The following WDR81 variants were observed in gnomAD, a reference collection of about 807,000 sequenced individuals.
WDR81 encodes WD repeat domain 81, also known as WD repeat-containing protein 81.
A neutral mutation model predicts 140.8 loss-of-function variants in WDR81; 92 were observed. That is an observed-to-expected ratio of 0.65 (90% CI 0.55 to 0.78). WDR81 has a LOEUF of 0.78. Among genes scored for constraint, WDR81 ranks in the 30% least tolerant of loss-of-function variants. The pLI is 0.00. For synonymous variants in WDR81, 1,183 were observed against 1,156.4 expected (o/e 1.02, Z -0.47); for missense variants, 2,502 against 2,636.4 (o/e 0.95, Z 1.12).
Position 1,735,958 on chromosome 17 carries a change from G to A in WDR81, c.5326-81G>A. 2.0e-6 allele frequency: 3 copies of A among 1,513,542 alleles called. No homozygotes were observed. The highest frequency in any genetic ancestry group is 2.6e-6 in the Non-Finnish European group (3 of 1,134,544). 93.8% of individuals were successfully genotyped at this position (1,513,542 alleles called of 1,614,324 possible). A position where few individuals can be genotyped will look rare whatever the true frequency, so the allele number is the denominator to read the frequency against. On this transcript the variant is annotated intron_variant, in intron 8 of 9. Coordinates refer to ENST00000409644, the MANE Select transcript of WDR81 (RefSeq NM_001163809.2). This position sits in a 1 kb window ranked among gnomAD's most constrained non-coding sequence, Gnocchi z 4.2. ...TCAGAGGCTCAGGCCTTCCTGCTGT[G>A]TGGGCTTGGGTGGTGGGCAGGGCCT...
Position 1,733,985 on chromosome 17 carries a change from G to A in WDR81, c.4948G>A (p.Ala1650Thr). 2 of 1,612,840 alleles carry A rather than the reference G, an allele frequency of 1.2e-6. No homozygotes were observed. The highest frequency in any genetic ancestry group is 1.6e-4 in the Middle Eastern group (1 of 6,062). The change falls in exon 7 of 10, where the codon GCC (alanine) becomes ACC (threonine). Residue 1650 changes from alanine to threonine, a missense_variant. Physicochemically the swap from Ala to Thr is moderately conservative, Grantham distance 58 (BLOSUM62 0). Coordinates refer to ENST00000409644, the MANE Select transcript of WDR81 (RefSeq NM_001163809.2). ...RLQSFPGHSG[A>T]VKCVAPLSSE... ...GCAGAGCTTCCCGGGCCACTCGGGG[G>A]CCGTCAAGTGCGTGGCACCCCTAAG... is the stretch of plus-strand genomic sequence containing the variant.
In WDR81 at chr17:1,733,518, C is replaced by T. The variant is rs1476187713; in HGVS notation, c.4490-9C>T. Reference sequence around the variant, plus strand: ...TCCCTGTCTCAGGACCTCTCCCACTCCTATCCAGGTGACATCATCCGGAAA... The same window carrying T: ...TCCCTGTCTCAGGACCTCTCCCACTTCTATCCAGGTGACATCATCCGGAAA... On this transcript the variant is annotated splice_polypyrimidine_tract_variant and intron_variant, in intron 6 of 9. Coordinates refer to ENST00000409644, the MANE Select transcript of WDR81 (RefSeq NM_001163809.2). 1.3e-6 allele frequency: 2 copies of T among 1,514,334 alleles called. No homozygotes were observed. The highest frequency in any genetic ancestry group is 1.8e-6 in the Non-Finnish European group (2 of 1,132,540). The allele number at this position is 1,514,334 out of a possible 1,614,324, so 93.8% of individuals were successfully genotyped here.
At chr17:1,732,869 G>A in intron 6 of WDR81, 38 bp downstream of exon 6, 1 of 1,560,646 alleles carries the variant, frequency 6.4e-7, no homozygotes, top group Non-Finnish European at 8.7e-7. Flanking sequence ...AGTCTTCGTG[G>A]CTGTCTCCTC....
In WDR81 at chr17:1,727,177, T is replaced by A. The variant is rs755366659; in HGVS notation, c.2218T>A (p.Phe740Ile). Residue 740 changes from phenylalanine (F) to isoleucine (I), a missense_variant, in exon 1 of 10, where the codon TTC (phenylalanine) becomes ATC (isoleucine). Physicochemically the swap from Phe to Ile is conservative, Grantham distance 21. Transcript: ENST00000409644. ...GGAGGAGCTGGAGAAAACGGGCAAC[T>A]TCTTGGCCAAAGGCCTAGGGGGCCT... ...ALEELEKTGN[F>I]LAKGLGGLLE... The A allele has an allele frequency of 3.9e-6, 6 of 1,548,258 alleles. No homozygotes were observed. The African/African-American group carries it at 8.2e-5, about 21-fold the overall frequency.
rs932373759 is a variant in WDR81 at position 1,725,320 on chromosome 17, G to A, written c.361G>A (p.Gly121Arg). 5.8e-6 allele frequency: 9 copies of A among 1,548,486 alleles called. No homozygotes were observed. The highest frequency in any genetic ancestry group is 2.4e-5 in the East Asian group (1 of 40,934). ...GCGGAGACTGTCCTACCCTCTGGGC[G>A]GGGGCCTGCCCTTTGAGGACGGGTC... is the stretch of plus-strand genomic sequence containing the variant. ...RKRRLSYPLG[G>R]GLPFEDGSCG... Residue 121 changes from glycine (G) to arginine (R), a missense_variant, in exon 1 of 10, where the codon GGG (glycine) becomes AGG (arginine). Gly to Arg is a moderately radical substitution (Grantham distance 125). Coordinates refer to ENST00000409644, the MANE Select transcript of WDR81 (RefSeq NM_001163809.2).
chr17:1,726,611 A>G lies in WDR81; in HGVS notation c.1652A>G (p.Tyr551Cys), dbSNP rs1426104998. The G allele has an allele frequency of 1.9e-6, 3 of 1,550,276 alleles. No homozygotes were observed. Among genetic ancestry groups the G allele is most frequent in the African/African-American group, 1.4e-5 (1 of 73,134 alleles). The change falls in exon 1 of 10, where the codon TAT becomes TGT. Residue 551 changes from tyrosine (Y) to cysteine (C), a missense_variant. Tyr to Cys is a radical substitution (Grantham distance 194). Around this residue, in one of 3 missense-constraint regions of WDR81, gnomAD observed 218 missense variants for 279.6 expected, o/e 0.78. Transcript: ENST00000409644. ...CATTGGATCGACCTCACGTTTGGCTATAAACTCCAGGGTAAGGAGGCTGTC... is the reference window on the plus strand; with the variant it reads ...CATTGGATCGACCTCACGTTTGGCTGTAAACTCCAGGGTAAGGAGGCTGTC... ...LHHWIDLTFGYKLQGKEAVKE... is the reference protein window; with the variant it reads ...LHHWIDLTFGCKLQGKEAVKE...
intron 1 of WDR81, among the ~76,000 whole-genome samples, chr17:1,717,325 C>T (rs912174020): frequency 9.2e-5 from 14 of 152,164 alleles, no homozygotes; most frequent in African/African-American, 3.4e-4. Flanking sequence ...AGGGGCAAGC[C>T]GGAGACCTGC....
At chr17:1,719,195 C>T (rs140263126) in intron 1 of WDR81, among the ~76,000 whole-genome samples, 2 of 152,170 alleles carry the variant, frequency 1.3e-5, no homozygotes, top group South Asian at 2.1e-4. Flanking sequence ...CTACAACATA[C>T]GGTGAATAAG....
chr17:1,717,478 A>G (rs1914638389), intron 1 of WDR81, among the ~76,000 whole-genome samples: 1 of 152,188 alleles, frequency 6.6e-6, no homozygotes, highest in African/African-American at 2.4e-5. Context: ...CTTCTGTTAA[A>G]TACGCACTCC....
Position 1,726,366 on chromosome 17 carries a change from G to A in WDR81, c.1407G>A (p.Ala469=), listed in dbSNP as rs931943166. ...PRSVLCGHVR[A]QWEPHEYPAS... is the part of the protein sequence containing the mutation. ...CGGTGCTCTGCGGACACGTCCGCGC[G>A]CAGTGGGAGCCCCATGAGTATCCGG... The change falls in exon 1 of 10, where the codon GCG becomes GCA. Residue 469 remains alanine (A), a synonymous_variant. Coordinates refer to ENST00000409644, the MANE Select transcript of WDR81 (RefSeq NM_001163809.2). The A allele has an allele frequency of 1.5e-5, 24 of 1,549,174 alleles. No individual in the cohort carries two copies. The highest frequency in any genetic ancestry group is 1.2e-4 in the Admixed American group (6 of 50,918).
chr17:1,725,651 T>C lies in WDR81; in HGVS notation c.692T>C (p.Leu231Pro). 1 of 1,546,512 alleles carries C rather than the reference T, an allele frequency of 6.5e-7. No individual in the cohort carries two copies. Among genetic ancestry groups the C allele is most frequent in the Non-Finnish European group, 8.7e-7 (1 of 1,146,972 alleles). ...GCCTTGCTGGAGTCGCCGGAGATGC[T>C]GTATGTGGTACACCCTTACGTACAG... ...AEALLESPEM[L>P]YVVHPYVQFS... The change falls in exon 1 of 10, where the codon CTG becomes CCG. Residue 231 changes from leucine (L) to proline (P), a missense_variant. By Grantham distance (98) the Leu-to-Pro change is moderately conservative (BLOSUM62 -3). Around this residue, in one of 3 missense-constraint regions of WDR81, gnomAD observed 547 missense variants for 513.8 expected, o/e 1.06. Coordinates refer to ENST00000409644, the MANE Select transcript of WDR81 (RefSeq NM_001163809.2).
chr17:1,719,060 G>A (rs938984789), intron 1 of WDR81, among the ~76,000 whole-genome samples: 5 of 151,978 alleles, frequency 3.3e-5, no homozygotes, highest in African/African-American at 1.2e-4. Flanking sequence ...AGTATCTCCA[G>A]ACGTTACCAA....
upstream of WDR81, chr17:1,716,533 C>T (rs1400629419): frequency 4.5e-6 from 7 of 1,548,968 alleles, no homozygotes; most frequent in Non-Finnish European, 6.1e-6. Context: ...AAACGAGAGT[C>T]CTAAAGAGCA....
upstream of WDR81, among the ~76,000 whole-genome samples, chr17:1,721,459 G>T (rs1914859639): frequency 6.6e-6 from 1 of 151,910 alleles, no homozygotes; most frequent in Admixed American, 6.6e-5. Context: ...GGTCGAGGCT[G>T]CAGTCAGCTG....
rs1372814228 is a variant in WDR81 at position 1,732,356 on chromosome 17, C to G, written c.4189C>G (p.Leu1397Val). ...FPSGAQARTI[L>V]CVKTISLIAL... ...AAGTGGGGCCCAGGCTCGGACCATC[C>G]TGTGTGTGAAAACCATCAGCCTCAT... Residue 1397 changes from leucine to valine, a missense_variant, in exon 5 of 10, where the codon CTG becomes GTG. Physicochemically the swap from Leu to Val is conservative, Grantham distance 32. Around this residue, in one of 3 missense-constraint regions of WDR81, gnomAD observed 1,737 missense variants for 1,843.0 expected, o/e 0.94. Transcript: ENST00000409644. The G allele has an allele frequency of 1.9e-6, 3 of 1,613,474 alleles. No individual in the cohort carries two copies. The highest frequency in any genetic ancestry group is 2.5e-6 in the Non-Finnish European group (3 of 1,180,012).
chr17:1,728,495 C>T lies in WDR81; in HGVS notation c.3536C>T (p.Ser1179Phe), dbSNP rs566030358. ...EGEQEEVTGA[S>F]ELTLSDTVLS... ...GAGCAGGAGGAGGTCACCGGGGCAT[C>T]TGAGCTCACTCTGTCTGACACGGTG... Residue 1179 changes from serine (S) to phenylalanine (F), a missense_variant, in exon 1 of 10, where the codon TCT becomes TTT. Physicochemically the swap from Ser to Phe is radical, Grantham distance 155 (BLOSUM62 -2). This residue lies in a region of WDR81 where 1,737 missense variants were observed against 1,843.0 expected (regional missense o/e 0.94). Coordinates refer to ENST00000409644, the MANE Select transcript of WDR81 (RefSeq NM_001163809.2). The T allele has an allele frequency of 6.3e-7, 1 of 1,596,322 alleles. No homozygotes were observed. The highest frequency in any genetic ancestry group is 1.3e-5 in the African/African-American group (1 of 74,758).
At position 1,735,121 on chromosome 17, in the gene WDR81, C is replaced by A. The variant is rs1482699469; in HGVS notation, c.5180-451C>A. 6.6e-6 allele frequency among the ~76,000 whole-genome samples: 1 copy of A among 151,726 alleles called. No homozygotes were observed. The highest frequency in any genetic ancestry group is 1.5e-5 in the Non-Finnish European group (1 of 67,882). ...ACCAGACTGGCTGACATGGTGAAAC[C>A]CCATCTCTACTAAGAATACAAAAAA... On this transcript the variant is annotated intron_variant, in intron 7 of 9. Transcript: ENST00000409644. The surrounding 1 kb of genome is among the most constrained non-coding windows in gnomAD (Gnocchi z 4.2).
Position 1,733,892 on chromosome 17 carries a change from G to T in WDR81, c.4855G>T (p.Ala1619Ser), listed in dbSNP as rs753881878. ...GCACGGGCTGAGCGGAAACTGGCTGGCGTACTGGCAGTACGAGATCGGCGT... is the reference window on the plus strand; with the variant it reads ...GCACGGGCTGAGCGGAAACTGGCTGTCGTACTGGCAGTACGAGATCGGCGT... ...SVHGLSGNWL[A>S]YWQYEIGVSQ... The change falls in exon 7 of 10, where the codon GCG becomes TCG. Residue 1619 changes from alanine to serine, a missense_variant. Around this residue, in one of 3 missense-constraint regions of WDR81, gnomAD observed 1,737 missense variants for 1,843.0 expected, o/e 0.94. Transcript: ENST00000409644. 1.2e-6 allele frequency: 2 copies of T among 1,612,656 alleles called. No homozygotes were observed. The highest frequency in any genetic ancestry group is 1.7e-6 in the Non-Finnish European group (2 of 1,179,960).
Position 1,735,451 on chromosome 17 carries a change from C to A in WDR81, c.5180-121C>A. ...CTCAAAAAAAGAGAAACATCTTTAG[C>A]ATTTTCTAAGGATCCCTGGGGGACG... On this transcript the variant is annotated intron_variant, in intron 7 of 9. Transcript: ENST00000409644. The surrounding 1 kb of genome is among the most constrained non-coding windows in gnomAD (Gnocchi z 4.2). The A allele has an allele frequency of 9.4e-7, 1 of 1,069,066 alleles. No individual in the cohort carries two copies. The highest frequency in any genetic ancestry group is 1.3e-6 in the Non-Finnish European group (1 of 768,844). The allele number at this position is 1,069,066 out of a possible 1,614,324, so 66.2% of individuals were successfully genotyped here. A position where few individuals can be genotyped will look rare whatever the true frequency, so the allele number is the denominator to read the frequency against.
Sources: allele counts gnomAD v4.1 joint callset (sites outside exome capture counted in the v4.1 genomes callset), GRCh38; gene constraint gnomAD v4.1.1; regional missense constraint gnomAD v4.1.1; non-coding constraint Gnocchi (gnomAD v3.1); transcripts MANE v1.5; gene names NCBI Gene and HGNC (gene_info 2026-07-23, HGNC 2026-07-21).